The following BABAM2 variants were observed in gnomAD, a reference collection of about 807,000 sequenced individuals.
The protein encoded by BABAM2 is BRISC and BRCA1-A complex member 2.
A neutral mutation model predicts 54.7 loss-of-function variants in BABAM2; 31 were observed. That is an observed-to-expected ratio of 0.57 (90% CI 0.43 to 0.77). The LOEUF is 0.77. Ranked by LOEUF, BABAM2 falls within the 30% of genes least tolerant of loss-of-function variation. The pLI is 0.00. For synonymous variants in BABAM2, 167 were observed against 162.9 expected (o/e 1.03, Z -0.19); for missense variants, 364 against 455.8 (o/e 0.80, Z 1.83).
chr2:28,049,917 G>A (rs752925730), intron 6 of BABAM2, among the ~76,000 whole-genome samples: 6 of 152,168 alleles, frequency 3.9e-5, no homozygotes, highest in African/African-American at 7.2e-5. Flanking sequence ...TTGGCCAGCC[G>A]GCTACCTACT....
intron 4 of BABAM2, among the ~76,000 whole-genome samples, chr2:27,991,161 G>C (rs540026968): frequency 1.3e-5 from 2 of 152,146 alleles, no homozygotes; most frequent in Non-Finnish European, 2.9e-5. Context: ...TAAAAATACA[G>C]ATTACTGGAC....
chr2:28,297,220 C>G lies in BABAM2; in HGVS notation c.935-1118C>G, dbSNP rs914713351. 3.6e-4 allele frequency among the ~76,000 whole-genome samples: 55 copies of G among 152,258 alleles called. 1 individual carries two copies. The highest frequency in any genetic ancestry group is 3.0e-3 in the Admixed American group (46 of 15,288). ...GAGTCTTGCCCCTGCCTGACTATGA[C>G]ATGAGCAAGTTAATATACCTCTTAG... On this transcript the variant is annotated intron_variant, in intron 10 of 11. Transcript: ENST00000379624.
At chr2:28,239,443 G>A (rs575429308) in intron 8 of BABAM2, among the ~76,000 whole-genome samples, 16 of 152,250 alleles carry the variant, frequency 1.1e-4, no homozygotes, top group South Asian at 8.3e-4. Context: ...ATGTGTTTTC[G>A]TGTTAGAAGC....
intron 7 of BABAM2, among the ~76,000 whole-genome samples, chr2:28,174,203 C>T (rs555278931): frequency 6.6e-6 from 1 of 152,296 alleles, no homozygotes; most frequent in African/African-American, 2.4e-5. Context: ...TTCTGTAGGA[C>T]TGTGTTCTAA....
At chr2:27,960,066 T>G (rs573093743) in intron 3 of BABAM2, among the ~76,000 whole-genome samples, 9 of 152,370 alleles carry the variant, frequency 5.9e-5, no homozygotes, top group Admixed American at 1.3e-4. Flanking sequence ...TGTGGATTAC[T>G]GGACTTGCTT....
In BABAM2 at chr2:28,287,051, C is replaced by T. The variant is rs17006658; in HGVS notation, c.935-11287C>T. Among the ~76,000 whole-genome samples, 1,080 of 152,224 alleles carry T rather than the reference C, an allele frequency of 7.1e-3. 9 individuals are homozygous for T. The highest frequency in any genetic ancestry group is 0.025 in the African/African-American group (1,023 of 41,528). Reference sequence around the variant, plus strand: ...TTCCCAAATTTGTATCTAACTGCTTCATTCTAATTTTTCAAGACAGGAATT... The same window carrying T: ...TTCCCAAATTTGTATCTAACTGCTTTATTCTAATTTTTCAAGACAGGAATT... On this transcript the variant is annotated intron_variant, in intron 10 of 11. Transcript: ENST00000379624.
intron 2 of BABAM2, among the ~76,000 whole-genome samples, chr2:27,920,703 A>G (rs867100726): frequency 2.0e-5 from 3 of 152,192 alleles, no homozygotes; most frequent in Admixed American, 6.5e-5. Context: ...TGTAGGACAC[A>G]TGCCAAATGG....
In BABAM2 at chr2:27,893,001, T is replaced by A. The variant is rs529794667; in HGVS notation, c.-24-1532T>A. On this transcript the variant is annotated intron_variant, in intron 1 of 11. Coordinates refer to ENST00000379624, the MANE Select transcript of BABAM2 (RefSeq NM_199191.3). ...ATTAGCAAATAAATTTATTACTTAC[T>A]ATCTGAAATAATAAACTGAAACAGG... Among the ~76,000 whole-genome samples, 8 of 152,364 alleles carry A rather than the reference T, an allele frequency of 5.3e-5. No individual in the cohort carries two copies. In the South Asian group the frequency reaches 1.4e-3, roughly 28 times the overall value.
At chr2:28,069,235 G>C (rs1339749483) in intron 6 of BABAM2, among the ~76,000 whole-genome samples, 1 of 152,076 alleles carries the variant, frequency 6.6e-6, no homozygotes, top group Non-Finnish European at 1.5e-5. Flanking sequence ...CAATTATCTG[G>C]TTTACTTACT....
intron 1 of BABAM2, among the ~76,000 whole-genome samples, chr2:27,892,195 G>T: frequency 6.6e-6 from 1 of 152,150 alleles, no homozygotes. Flanking sequence ...ATTTTATTTT[G>T]CTGAGCTTTA....
At chr2:27,906,540 A>G (rs532147262) in intron 2 of BABAM2, among the ~76,000 whole-genome samples, 39 of 152,306 alleles carry the variant, frequency 2.6e-4, no homozygotes, top group African/African-American at 8.7e-4. Flanking sequence ...GCCTTAACCC[A>G]ATGAAGTCTG....
chr2:28,287,259 C>A (rs1232245152), intron 10 of BABAM2, among the ~76,000 whole-genome samples: 1 of 152,178 alleles, frequency 6.6e-6, no homozygotes, highest in East Asian at 1.9e-4. Flanking sequence ...TTTAAGGATT[C>A]TTTTAATCAA....
At chr2:28,251,484 A>G (rs2148104572) in intron 10 of BABAM2, among the ~76,000 whole-genome samples, 1 of 152,324 alleles carries the variant, frequency 6.6e-6, no homozygotes, top group East Asian at 1.9e-4. Flanking sequence ...ATTTGCATTG[A>G]TGTCGCACTG....
intron 3 of BABAM2, among the ~76,000 whole-genome samples, chr2:27,934,679 T>G (rs1668364901): frequency 6.6e-6 from 1 of 152,220 alleles, no homozygotes; most frequent in Non-Finnish European, 1.5e-5. Flanking sequence ...TGAAGGAAAT[T>G]AGAAGTGCTA....
chr2:28,192,826 G>A (rs1189211552), intron 7 of BABAM2, among the ~76,000 whole-genome samples: 2 of 151,854 alleles, frequency 1.3e-5, no homozygotes, highest in African/African-American at 4.8e-5. Context: ...CCGGCCTATA[G>A]CTCCTTTTTA....
chr2:28,284,977 A>G (rs1686672247), intron 10 of BABAM2, among the ~76,000 whole-genome samples: 1 of 152,186 alleles, frequency 6.6e-6, no homozygotes, highest in South Asian at 2.1e-4. Flanking sequence ...CCCATTTTAA[A>G]GATGAGAAAA....
chr2:28,084,148 G>A (rs777752884), intron 6 of BABAM2, among the ~76,000 whole-genome samples: 9 of 152,092 alleles, frequency 5.9e-5, no homozygotes, highest in African/African-American at 7.2e-5. Context: ...GAGACACAGC[G>A]GCAACCATAC....
chr2:28,085,803 G>A (rs1181587929), intron 6 of BABAM2, among the ~76,000 whole-genome samples: 1 of 151,988 alleles, frequency 6.6e-6, no homozygotes, highest in Non-Finnish European at 1.5e-5. Context: ...TTAATATATG[G>A]CAGTTTTAAT....
At chr2:28,199,804 G>A (rs1368573289) in intron 7 of BABAM2, among the ~76,000 whole-genome samples, 2 of 152,180 alleles carry the variant, frequency 1.3e-5, no homozygotes, top group African/African-American at 2.4e-5. Context: ...CCAAAATTTA[G>A]GAGCCATTGT....
Sources: gnomAD v4.1 joint callset for allele counts (sites outside exome capture counted in the v4.1 genomes callset) on GRCh38, gnomAD v4.1.1 for gene constraint, MANE v1.5 for transcripts, NCBI Gene and HGNC (gene_info 2026-07-23, HGNC 2026-07-21) for gene names.